MYLK3: variants seen among roughly 807,000 people sequenced by gnomAD.
The protein encoded by MYLK3 is MLC kinase.
A neutral mutation model predicts 76.3 loss-of-function variants in MYLK3; 55 were observed. That is an observed-to-expected ratio of 0.72 (90% CI 0.58 to 0.90). The LOEUF (loss-of-function observed/expected upper bound fraction) is 0.90, where lower values mean the gene tolerates loss of function less well. Among genes scored for constraint, MYLK3 ranks in the 40% least tolerant of loss-of-function variants. The pLI, the probability that MYLK3 is intolerant of heterozygous loss-of-function variation, is 0.00. For missense variants in MYLK3, 973 were observed against 1,053.6 expected (o/e 0.92, Z 1.06); for synonymous variants, 416 against 425.4 (o/e 0.98, Z 0.27).
chr16:46,760,391 G>A (rs1242384320), intron 1 of MYLK3, among the ~76,000 whole-genome samples: 1 of 152,210 alleles, frequency 6.6e-6, no homozygotes, highest in Non-Finnish European at 1.5e-5. Context: ...CCTACCGTGG[G>A]CAGGCCCTGT....
chr16:46,733,339 A>C (rs1220094764), intron 3 of MYLK3, among the ~76,000 whole-genome samples: 1 of 152,202 alleles, frequency 6.6e-6, no homozygotes, highest in African/African-American at 2.4e-5. Context: ...TGGGCGACAG[A>C]GTGAGAGACC....
intron 6 of MYLK3, 128 bp downstream of exon 6, chr16:46,729,466 G>T: frequency 2.3e-6 from 2 of 855,332 alleles, no homozygotes; most frequent in Non-Finnish European, 3.7e-6. Flanking sequence ...CTGACTGGAG[G>T]GTGGGAATTC....
intron 8 of MYLK3, chr16:46,726,714 AAAGAAAGAAAGAAAG>A (rs1567284894): frequency 2.0e-5 from 3 of 149,160 alleles, no homozygotes; most frequent in Admixed American, 6.7e-5. Context: ...AGAAAGAAAG[AAAGAAAGAAAGAAAG>A]AAAGAAAAGA....
upstream of MYLK3, among the ~76,000 whole-genome samples, chr16:46,749,918 G>A (rs1247675123): frequency 1.3e-5 from 2 of 152,178 alleles, no homozygotes; most frequent in African/African-American, 4.8e-5. Flanking sequence ...TGAGAGCACA[G>A]CCCTGGGTGT....
upstream of MYLK3, among the ~76,000 whole-genome samples, chr16:46,749,282 G>A (rs1468272471): frequency 1.3e-5 from 2 of 152,232 alleles, no homozygotes; most frequent in Non-Finnish European, 2.9e-5. Flanking sequence ...CCAGCTCCCC[G>A]TGGGCAGAGG....
Position 46,703,093 on chromosome 16 carries a change from A to G in MYLK3, c.*4611T>C, listed in dbSNP as rs888301731. On this transcript the variant is annotated 3_prime_UTR_variant, in exon 13 of 13. Coordinates refer to ENST00000394809, the MANE Select transcript of MYLK3 (RefSeq NM_182493.3). ...CCTACGGTTTTTTAATGCACATATA[A>G]GCATATGTCTCTTCACAAATGGGAT... Among the ~76,000 whole-genome samples, 1 of 152,178 alleles carries G rather than the reference A, an allele frequency of 6.6e-6. No homozygotes were observed. Among genetic ancestry groups the G allele is most frequent in the African/African-American group, 2.4e-5 (1 of 41,438 alleles).
At chr16:46,742,749 G>T (rs924829462) in intron 1 of MYLK3, among the ~76,000 whole-genome samples, 1 of 152,170 alleles carries the variant, frequency 6.6e-6, no homozygotes, top group African/African-American at 2.4e-5. Flanking sequence ...ACCGGCGTGG[G>T]GGAGGCACTT....
intron 1 of MYLK3, among the ~76,000 whole-genome samples, chr16:46,745,985 T>C (rs1454919370): frequency 6.6e-6 from 1 of 152,140 alleles, no homozygotes; most frequent in Non-Finnish European, 1.5e-5. Context: ...TTACTCTACA[T>C]GATTTTTTTT....
rs1966631689 is a variant in MYLK3, at chr16:46,706,851, A to G, written c.*853T>C. 1 of 152,192 alleles carries G rather than the reference A, an allele frequency of 6.6e-6. No individual in the cohort carries two copies. Among genetic ancestry groups the G allele is most frequent in the Non-Finnish European group, 1.5e-5 (1 of 68,040 alleles). 9.4% of individuals were successfully genotyped at this position (152,192 alleles called of 1,614,324 possible). ...AACCCTGTTCAAGGGTCAACTGTAC[A>G]TGTATATAGAAAGTGTATGTGTAGA... On this transcript the variant is annotated 3_prime_UTR_variant, in exon 13 of 13. Transcript: ENST00000394809.
At chr16:46,751,084 C>A (rs1209834659), upstream of MYLK3, among the ~76,000 whole-genome samples, 2 of 151,834 alleles carry the variant, frequency 1.3e-5, no homozygotes, top group Non-Finnish European at 2.9e-5. Flanking sequence ...GAGGAAAACA[C>A]CAAATACCCC....
Position 46,727,263 on chromosome 16 carries a change from C to G in MYLK3, c.1887G>C (p.Gln629His). 6.2e-7 allele frequency: 1 copy of G among 1,614,060 alleles called. No individual in the cohort carries two copies. Among genetic ancestry groups the G allele is most frequent in the South Asian group, 1.1e-5 (1 of 91,072 alleles). ...TGAGGTCCAGGTGCAGGATGTAGTG[C>G]TGGTGCAGGTAATGCACACCCTCAC... ...QICEGVHYLH[Q>H]HYILHLDLKP... Residue 629 changes from glutamine to histidine, a missense_variant, in exon 8 of 13, where the codon CAG becomes CAC. Gln to His is a conservative substitution (Grantham distance 24). Transcript: ENST00000394809.
chr16:46,707,824 T>C, intron 12 of MYLK3, 61 bp from the exon 13 acceptor site: 1 of 1,279,766 alleles, frequency 7.8e-7, no homozygotes, highest in Non-Finnish European at 1.1e-6. Flanking sequence ...AGTTGCCTTA[T>C]GAAGAAACAA....
intron 1 of MYLK3, among the ~76,000 whole-genome samples, chr16:46,744,204 TG>T (rs1326950809): frequency 6.6e-6 from 1 of 151,832 alleles, no homozygotes; most frequent in Non-Finnish European, 1.5e-5. Context: ...GGCTAATTTT[TG>T]TATTTTTAGT....
chr16:46,726,609 G>A (rs1185534989), intron 8 of MYLK3: 2 of 145,028 alleles, frequency 1.4e-5, no homozygotes, highest in Non-Finnish European at 3.0e-5. Flanking sequence ...GAGAGAGAGA[G>A]AAAAGAGAAA....
chr16:46,727,219 C>A lies in MYLK3; in HGVS notation c.1914+17G>T, dbSNP rs750536715. 6.2e-7 allele frequency: 1 copy of A among 1,610,820 alleles called. No homozygotes were observed. Among genetic ancestry groups the A allele is most frequent in the East Asian group, 2.2e-5 (1 of 44,754 alleles). Reference sequence around the variant, plus strand: ...GGACACCAGGGGCCCCTACCGCATGCCCAGGGCAGAACCCACCTTGAGGTC... The same window carrying A: ...GGACACCAGGGGCCCCTACCGCATGACCAGGGCAGAACCCACCTTGAGGTC... On this transcript the variant is annotated intron_variant, in intron 8 of 12. Coordinates refer to ENST00000394809, the MANE Select transcript of MYLK3 (RefSeq NM_182493.3).
At chr16:46,708,033 TC>T (rs1392273588) in intron 12 of MYLK3, among the ~76,000 whole-genome samples, 1 of 151,860 alleles carries the variant, frequency 6.6e-6, no homozygotes, top group Non-Finnish European at 1.5e-5. Flanking sequence ...CAGGATGGGG[TC>T]TGGCTCTGTT....
chr16:46,757,017 C>A (rs1967209244), intron 1 of MYLK3, among the ~76,000 whole-genome samples: 2 of 152,150 alleles, frequency 1.3e-5, no homozygotes, highest in South Asian at 2.1e-4. Flanking sequence ...CAGTCCTAAG[C>A]CAGTGGACCT....
At chr16:46,756,845 G>A (rs759140632) in intron 1 of MYLK3, among the ~76,000 whole-genome samples, 19 of 152,180 alleles carry the variant, frequency 1.2e-4, no homozygotes, top group Non-Finnish European at 2.6e-4. Flanking sequence ...CTGGCACGTG[G>A]TAAGTCCACG....
At chr16:46,729,535 A>C in intron 6 of MYLK3, 59 bp downstream of exon 6, 1 of 1,488,138 alleles carries the variant, frequency 6.7e-7, no homozygotes. Flanking sequence ...GGGGGCCCTG[A>C]GGGAAGGAAA....
Sources: gnomAD v4.1 joint callset for allele counts (sites outside exome capture counted in the v4.1 genomes callset) on GRCh38, gnomAD v4.1.1 for gene constraint, MANE v1.5 for transcripts, NCBI Gene and HGNC (gene_info 2026-07-23, HGNC 2026-07-21) for gene names.